The following SAMD7 variants were observed in gnomAD, a reference collection of about 807,000 sequenced individuals.
The protein encoded by SAMD7 is sterile alpha motif domain-containing protein 7.
In SAMD7, 34 loss-of-function variants were observed where a neutral mutation model predicts 36.7. That is an observed-to-expected ratio of 0.93 (90% CI 0.71 to 1.23). The LOEUF is 1.23. Among genes scored for constraint, SAMD7 ranks in the 50% most tolerant of loss-of-function variants. SAMD7 has a pLI of 0.00. For missense variants in SAMD7, 570 were observed against 546.6 expected, an observed-to-expected ratio of 1.04 and a Z score of -0.43; for synonymous variants, 188 against 189.7, an observed-to-expected ratio of 0.99 and a Z score of 0.07.
chr3:169,917,255 G>A (rs984861419), intron 2 of SAMD7, among the ~76,000 whole-genome samples: 17 of 152,126 alleles, frequency 1.1e-4, no homozygotes, highest in Admixed American at 1.0e-3. Flanking sequence ...CCATGTGAAT[G>A]AATTAACCTC....
At chr3:169,922,958 T>G (rs1229513030) in intron 4 of SAMD7, among the ~76,000 whole-genome samples, 1 of 152,130 alleles carries the variant, frequency 6.6e-6, no homozygotes, top group Non-Finnish European at 1.5e-5. Context: ...TCATCAGAGA[T>G]TTTGATGTGA....
chr3:169,923,570 C>T (rs897760235), intron 4 of SAMD7, among the ~76,000 whole-genome samples: 5 of 152,050 alleles, frequency 3.3e-5, no homozygotes, highest in Non-Finnish European at 5.9e-5. Flanking sequence ...GGTGAAACGC[C>T]GTCTCTACTA....
Position 169,936,320 on chromosome 3 carries a change from A to G in SAMD7, c.1042-19A>G, listed in dbSNP as rs1713714327. The G allele has an allele frequency of 6.9e-7, 1 of 1,441,108 alleles. No homozygotes were observed. Among genetic ancestry groups the G allele is most frequent in the Non-Finnish European group, 9.7e-7 (1 of 1,025,750 alleles). The allele number at this position is 1,441,108 out of a possible 1,614,324, so 89.3% of individuals were successfully genotyped here. On this transcript the variant is annotated intron_variant, in intron 7 of 8. Transcript: ENST00000335556. ...AAAAAGACATTCAGACAGAGTTAAC[A>G]CCTTTTGTATTTATGAAGGTATTTA...
At chr3:169,923,666 C>T (rs1434821354) in intron 4 of SAMD7, among the ~76,000 whole-genome samples, 4 of 152,104 alleles carry the variant, frequency 2.6e-5, no homozygotes, top group African/African-American at 7.2e-5. Context: ...CACTTGAACA[C>T]GGGAGAGGGA....
At chr3:169,933,668 G>T (rs1197760767) in intron 7 of SAMD7, among the ~76,000 whole-genome samples, 1 of 152,228 alleles carries the variant, frequency 6.6e-6, no homozygotes, top group Non-Finnish European at 1.5e-5. Flanking sequence ...TAGAACACAA[G>T]GTTCCCAGTA....
At chr3:169,935,826 G>A (rs1020609369) in intron 7 of SAMD7, among the ~76,000 whole-genome samples, 1 of 152,158 alleles carries the variant, frequency 6.6e-6, no homozygotes, top group Non-Finnish European at 1.5e-5. Context: ...CAGACCTGCT[G>A]GAAAGGTCCG....
intron 7 of SAMD7, chr3:169,932,189 A>C: frequency 1.5e-6 from 1 of 688,104 alleles, no homozygotes; most frequent in Non-Finnish European, 2.5e-6. Context: ...CACACGTTGC[A>C]GTCTTCCTAG....
intron 3 of SAMD7, 107 bp from the exon 4 acceptor site, chr3:169,921,107 A>T (rs1713022407): frequency 1.0e-6 from 1 of 965,790 alleles, no homozygotes; most frequent in Non-Finnish European, 1.6e-6. Flanking sequence ...TTGAGAAGAG[A>T]TGATAGAATC....
Position 169,928,492 on chromosome 3 carries a change from T to C in SAMD7, c.955T>C (p.Ser319Pro), listed in dbSNP as rs145806610. Residue 319 changes from serine (S) to proline (P), a missense_variant, in exon 7 of 9, where the codon TCT becomes CCT. Transcript: ENST00000335556. ...ACTGGTTACAATTGGGGGGAATCTTTCTTTGGATGAAGATATTCAGAAGTG... is the reference window on the plus strand; with the variant it reads ...ACTGGTTACAATTGGGGGGAATCTTCCTTTGGATGAAGATATTCAGAAGTG... Reference protein sequence around the residue: ...HALVTIGGNLSLDEDIQKWTV... With the variant: ...HALVTIGGNLPLDEDIQKWTV... The C allele has an allele frequency of 8.1e-6, 13 of 1,613,290 alleles. No individual in the cohort carries two copies. The highest frequency in any genetic ancestry group is 1.7e-4 in the Middle Eastern group (1 of 6,060).
At chr3:169,916,622 T>A (rs1485925716) in intron 2 of SAMD7, among the ~76,000 whole-genome samples, 3 of 152,184 alleles carry the variant, frequency 2.0e-5, no homozygotes, top group African/African-American at 7.2e-5. Flanking sequence ...CACTCCAGCC[T>A]GGGCAAGAGA....
chr3:169,921,731 G>T (rs1044948864), intron 4 of SAMD7, among the ~76,000 whole-genome samples: 4 of 152,120 alleles, frequency 2.6e-5, no homozygotes, highest in African/African-American at 7.2e-5. Flanking sequence ...GCCATCAAGG[G>T]GTTTGAGCAA....
At position 169,927,115 on chromosome 3, in the gene SAMD7, C is replaced by G. The variant is rs145189663; in HGVS notation, c.853C>G (p.Gln285Glu). Residue 285 changes from glutamine to glutamate, a missense_variant, in exon 6 of 9, where the codon CAG becomes GAG. Coordinates refer to ENST00000335556, the MANE Select transcript of SAMD7 (RefSeq NM_001304366.2). ...WDDGKEEASE[Q>E]IFATCDEKNG... is the part of the protein sequence containing the mutation. ...CGATGGGAAAGAGGAGGCTTCGGAG[C>G]AGATTTTTGCAACCTGTGATGAAAA... 1.9e-4 allele frequency: 295 copies of G among 1,578,632 alleles called. 3 individuals carry two copies. In the African/African-American group the frequency reaches 3.5e-3, roughly 19 times the overall value.
At position 169,932,938 on chromosome 3, in the gene SAMD7, CA is replaced by C. The variant is rs1376679866; in HGVS notation, c.1042-3397del. On this transcript the variant is annotated intron_variant, in intron 7 of 8. Transcript: ENST00000335556. ...GTATGCTCATCCTTCTTGATAACAA[CA>C]AAAGCTTTGGGAACCCCTTGCTGGA... The C allele has an allele frequency of 3.0e-5, 20 of 670,594 alleles. No homozygotes were observed. In the East Asian group the frequency reaches 5.9e-4, roughly 20 times the overall value. 41.5% of individuals were successfully genotyped at this position (670,594 alleles called of 1,614,324 possible). A position where few individuals can be genotyped will look rare whatever the true frequency, so the allele number is the denominator to read the frequency against.
chr3:169,923,950 C>T lies in SAMD7; in HGVS notation c.212-1108C>T, dbSNP rs115046973. On this transcript the variant is annotated intron_variant, in intron 4 of 8. Transcript: ENST00000335556. Reference sequence around the variant, plus strand: ...AAAGAGAAAGTATGGGAGAAGGTTTCTTGAGACCAGACCTCAGAGGGTTCT... The same window carrying T: ...AAAGAGAAAGTATGGGAGAAGGTTTTTTGAGACCAGACCTCAGAGGGTTCT... Among the ~76,000 whole-genome samples the T allele has an allele frequency of 8.3e-3, 1,261 of 152,314 alleles. 16 individuals carry two copies. Among genetic ancestry groups the T allele is most frequent in the African/African-American group, 0.029 (1,192 of 41,568 alleles).
rs1156927131 is a variant in SAMD7 at position 169,926,667 on chromosome 3, C to T, written c.405C>T (p.Ala135=). Residue 135 remains alanine (A), a synonymous_variant, in exon 6 of 9, where the codon GCC becomes GCT. Coordinates refer to ENST00000335556, the MANE Select transcript of SAMD7 (RefSeq NM_001304366.2). ...TCTATGGCTCCAGTGTCCCAGCTGC[C>T]CCCGCTGCCTACCATGGCAGGAGCA... The part of the protein sequence containing the change: ...PFLYGSSVPA[A]PAAYHGRSML... The T allele has an allele frequency of 1.9e-6, 3 of 1,613,856 alleles. No homozygotes were observed. The highest frequency in any genetic ancestry group is 1.3e-5 in the African/African-American group (1 of 74,850).
intron 4 of SAMD7, among the ~76,000 whole-genome samples, chr3:169,923,199 C>G (rs572960078): frequency 6.6e-6 from 1 of 152,258 alleles, no homozygotes; most frequent in South Asian, 2.1e-4. Context: ...GGATTCACGC[C>G]TGGGTCAGGG....
At chr3:169,927,203 G>A (rs757782159) in intron 6 of SAMD7, 22 bp downstream of exon 6, 3 of 1,509,106 alleles carry the variant, frequency 2.0e-6, no homozygotes, top group Non-Finnish European at 2.7e-6. Context: ...GGGGCCAATG[G>A]CAGATCCTCA....
chr3:169,915,775 A>G (rs1712772215), intron 2 of SAMD7, among the ~76,000 whole-genome samples: 2 of 151,362 alleles, frequency 1.3e-5, no homozygotes, highest in South Asian at 4.2e-4. Context: ...ACGGGGTTTC[A>G]CCATGTTGGC....
Position 169,926,604 on chromosome 3 carries a change from T to C in SAMD7, c.342T>C (p.Ile114=). The part of the protein sequence containing the change: ...AIYQQRRMEK[I]NPKGLAGLGI... ...ACCAGCAAAGGAGAATGGAAAAAAT[T>C]AATCCCAAGGGACTAGCAGGCCTAG... Residue 114 remains isoleucine (I), a synonymous_variant, in exon 6 of 9, where the codon ATT becomes ATC. Coordinates refer to ENST00000335556, the MANE Select transcript of SAMD7 (RefSeq NM_001304366.2). 6.2e-7 allele frequency: 1 copy of C among 1,612,800 alleles called. No homozygotes were observed. Among genetic ancestry groups the C allele is most frequent in the Non-Finnish European group, 8.5e-7 (1 of 1,179,416 alleles).
Sources: allele counts gnomAD v4.1 joint callset (sites outside exome capture counted in the v4.1 genomes callset), GRCh38; gene constraint gnomAD v4.1.1; transcripts MANE v1.5; gene names NCBI Gene and HGNC (gene_info 2026-07-23, HGNC 2026-07-21).